Variants in OXR1 observed in about 807,000 individuals in gnomAD.
The protein encoded by OXR1 is oxidation resistance protein 1.
A neutral mutation model predicts 104.6 loss-of-function variants in OXR1; 41 were observed. That is an observed-to-expected ratio of 0.39 (90% CI 0.31 to 0.51). The LOEUF (loss-of-function observed/expected upper bound fraction) is 0.51, where lower values mean the gene tolerates loss of function less well. OXR1 is among the 20% of genes least tolerant of loss of function. The pLI is 0.77. For missense variants in OXR1, 955 were observed against 1,031.9 expected (o/e 0.93, Z 1.02); for synonymous variants, 348 against 348.4 (o/e 1.00, Z 0.01).
At chr8:106,619,106 A>G (rs1031831439) in intron 3 of OXR1, among the ~76,000 whole-genome samples, 7 of 152,230 alleles carry the variant, frequency 4.6e-5, no homozygotes, top group South Asian at 2.1e-4. Flanking sequence ...GCCTTTCAAA[A>G]GAAGTAATTA....
chr8:106,609,848 A>ACG (rs2130794121), intron 3 of OXR1, among the ~76,000 whole-genome samples: 1 of 3,228 alleles, frequency 3.1e-4, no homozygotes, highest in Admixed American at 5.6e-3. Flanking sequence ...TATATAACAC[A>ACG]CACACACACA....
intron 3 of OXR1, among the ~76,000 whole-genome samples, chr8:106,611,444 T>G (rs994671831): frequency 6.6e-6 from 1 of 152,188 alleles, no homozygotes; most frequent in Non-Finnish European, 1.5e-5. Context: ...CAAATAACTT[T>G]GTGAGTGAAT....
At chr8:106,653,071 G>GAAA (rs536723741) in intron 3 of OXR1, among the ~76,000 whole-genome samples, 1,655 of 129,866 alleles carry the variant, frequency 0.013, 22 homozygotes, top group Middle Eastern at 0.032. Context: ...AGGAGAAATA[G>GAAA]AAAAAAAAAA....
rs933690670 is a variant in OXR1 at position 106,556,833 on chromosome 8, A to G, written c.220+37694A>G. 4.6e-5 allele frequency among the ~76,000 whole-genome samples: 7 copies of G among 152,158 alleles called. No homozygotes were observed. The East Asian group carries it at 1.3e-3, about 29-fold the overall frequency. On this transcript the variant is annotated intron_variant, in intron 3 of 16. Coordinates refer to ENST00000517566, the MANE Select transcript of OXR1 (RefSeq NM_001198533.2). ...GCTTCACAGTCACTTTTCTGTGTAT[A>G]TGTTTCACCACTAAATGTTCTTTCT... is the stretch of plus-strand genomic sequence containing the variant.
intron 2 of OXR1, among the ~76,000 whole-genome samples, chr8:106,485,021 A>G (rs11782171): frequency 0.43 from 65,211 of 150,942 alleles, 16,982 homozygotes; most frequent in Non-Finnish European, 0.58. Flanking sequence ...TCGAGCCATG[A>G]AAAGATAGGG....
intron 1 of OXR1, among the ~76,000 whole-genome samples, chr8:106,291,191 G>A (rs2130040288): frequency 6.6e-6 from 1 of 152,234 alleles, no homozygotes; most frequent in East Asian, 1.9e-4. Context: ...GAATGTAGAA[G>A]ACCAAATACT....
At chr8:106,677,762 T>TGA in intron 3 of OXR1, among the ~76,000 whole-genome samples, 1 of 150,452 alleles carries the variant, frequency 6.6e-6, no homozygotes, top group East Asian at 1.9e-4. Context: ...TGCGCACGCG[T>TGA]GTGTGTGTGT....
At chr8:106,421,874 G>A (rs1394311324) in intron 2 of OXR1, among the ~76,000 whole-genome samples, 1 of 126,884 alleles carries the variant, frequency 7.9e-6, no homozygotes, top group Non-Finnish European at 1.6e-5. Flanking sequence ...ATATACGCAA[G>A]TTGATAATTT....
chr8:106,359,521 G>A lies in OXR1; in HGVS notation c.-93G>A, dbSNP rs1472295893. The A allele has an allele frequency of 1.1e-6, 1 of 924,034 alleles. No homozygotes were observed. Among genetic ancestry groups the A allele is most frequent in the East Asian group, 2.6e-5 (1 of 38,098 alleles). The allele number at this position is 924,034 out of a possible 1,614,324, so 57.2% of individuals were successfully genotyped here. A position where few individuals can be genotyped will look rare whatever the true frequency, so the allele number is the denominator to read the frequency against. ...ACTAAGTGGTTTGTGCATCATTCCA[G>A]AAGCAAAGCTAAAATTTTTAGCGGT... On this transcript the variant is annotated 5_prime_UTR_variant, in exon 2 of 17. Transcript: ENST00000517566.
intron 2 of OXR1, among the ~76,000 whole-genome samples, chr8:106,406,234 C>T (rs956369881): frequency 5.9e-5 from 9 of 152,182 alleles, no homozygotes; most frequent in African/African-American, 2.2e-4. Context: ...TTCTGGCCCT[C>T]TAATATAACT....
intron 3 of OXR1, among the ~76,000 whole-genome samples, chr8:106,667,240 T>C (rs573699488): frequency 6.6e-6 from 1 of 152,346 alleles, no homozygotes; most frequent in Non-Finnish European, 1.5e-5. Context: ...ACTTACAGTT[T>C]CTTACGGAAT....
intron 2 of OXR1, among the ~76,000 whole-genome samples, chr8:106,515,056 C>T (rs1018368223): frequency 6.6e-6 from 1 of 151,994 alleles, no homozygotes; most frequent in Non-Finnish European, 1.5e-5. Flanking sequence ...TTAGGGATTT[C>T]ATCAGGTTCA....
chr8:106,745,092 G>A (rs970065762), intron 15 of OXR1, among the ~76,000 whole-genome samples: 4 of 152,092 alleles, frequency 2.6e-5, no homozygotes, highest in Non-Finnish European at 4.4e-5. Context: ...TATGAAAAAC[G>A]AGTGCTAAAA....
intron 1 of OXR1, among the ~76,000 whole-genome samples, chr8:106,311,878 T>G (rs771336294): frequency 6.6e-6 from 1 of 152,172 alleles, no homozygotes; most frequent in Admixed American, 6.5e-5. Flanking sequence ...CTTTTCACTT[T>G]CCGGCATTTA....
chr8:106,451,270 T>C (rs144164813), intron 2 of OXR1, among the ~76,000 whole-genome samples: 20 of 152,292 alleles, frequency 1.3e-4, no homozygotes, highest in African/African-American at 4.6e-4. Flanking sequence ...TGTGTTATAC[T>C]TGCAAACAGT....
chr8:106,323,859 A>T (rs1489899868), intron 1 of OXR1, among the ~76,000 whole-genome samples: 3 of 152,128 alleles, frequency 2.0e-5, no homozygotes, highest in African/African-American at 7.2e-5. Flanking sequence ...GTAAAAAAAT[A>T]ATAGATGCTG....
intron 3 of OXR1, among the ~76,000 whole-genome samples, chr8:106,615,059 C>G (rs1821106557): frequency 6.6e-6 from 1 of 152,124 alleles, no homozygotes; most frequent in Non-Finnish European, 1.5e-5. Flanking sequence ...TGGCTTATGC[C>G]TGTCATCCTA....
Position 106,349,863 on chromosome 8 carries a change from G to C in OXR1, c.-138-9613G>C, listed in dbSNP as rs551097148. Among the ~76,000 whole-genome samples, 38 of 152,268 alleles carry C rather than the reference G, an allele frequency of 2.5e-4. 1 individual carries two copies. The South Asian group carries it at 6.8e-3, about 27-fold the overall frequency. On this transcript the variant is annotated intron_variant, in intron 1 of 16. Coordinates refer to ENST00000517566, the MANE Select transcript of OXR1 (RefSeq NM_001198533.2). Reference sequence around the variant, plus strand: ...CAGGAAAATGCAAAGGAGAAATCAGGAACAAGTGGGCGGAGTGGAGTCTGA... The same window carrying C: ...CAGGAAAATGCAAAGGAGAAATCAGCAACAAGTGGGCGGAGTGGAGTCTGA...
intron 3 of OXR1, among the ~76,000 whole-genome samples, chr8:106,587,955 A>ATTT (rs35772022): frequency 6.9e-6 from 1 of 145,306 alleles, no homozygotes; most frequent in Non-Finnish European, 1.5e-5. Context: ...AATATAAACA[A>ATTT]TTTTTTTTTT....
Sources: allele counts gnomAD v4.1 joint callset (sites outside exome capture counted in the v4.1 genomes callset), GRCh38; gene constraint gnomAD v4.1.1; transcripts MANE v1.5; gene names NCBI Gene and HGNC (gene_info 2026-07-23, HGNC 2026-07-21).